Variants in CDH4 observed in about 807,000 individuals in gnomAD.
CDH4 encodes cadherin 4, also known as cadherin-4.
In CDH4, 33 loss-of-function variants were observed where a neutral mutation model predicts 86.0. The observed-to-expected ratio is 0.38, with a 90% CI of 0.29 to 0.51. CDH4 has a LOEUF of 0.51. Ranked by LOEUF, CDH4 falls within the 20% of genes least tolerant of loss-of-function variation. CDH4 has a pLI of 0.86. For synonymous variants in CDH4, 555 were observed against 549.4 expected, an observed-to-expected ratio of 1.01 and a Z score of -0.14; for missense variants, 1,114 against 1,307.4, an observed-to-expected ratio of 0.85 and a Z score of 2.28.
chr20:61,367,681 C>T (rs1057039915), intron 2 of CDH4, among the ~76,000 whole-genome samples: 3 of 152,030 alleles, frequency 2.0e-5, no homozygotes, highest in South Asian at 2.1e-4. Flanking sequence ...CACTTTCTTG[C>T]GGCAAAATGT....
intron 2 of CDH4, among the ~76,000 whole-genome samples, chr20:61,275,379 A>C (rs1600825682): frequency 3.0e-5 from 2 of 66,198 alleles, no homozygotes; most frequent in Non-Finnish European, 2.7e-5. Flanking sequence ...AGTTTGGGGG[A>C]GTACTGTGTG....
intron 2 of CDH4, among the ~76,000 whole-genome samples, chr20:61,566,880 C>G (rs745567556): frequency 1.3e-5 from 2 of 152,064 alleles, no homozygotes; most frequent in African/African-American, 4.8e-5. Flanking sequence ...CGATGGCACG[C>G]GGCTCACAGA....
At chr20:61,400,028 C>G (rs979581813) in intron 2 of CDH4, among the ~76,000 whole-genome samples, 3 of 152,206 alleles carry the variant, frequency 2.0e-5, no homozygotes, top group African/African-American at 7.2e-5. Flanking sequence ...AAACCAGTCC[C>G]CCTTACAGCT....
intron 2 of CDH4, among the ~76,000 whole-genome samples, chr20:61,402,675 G>A (rs775124338): frequency 6.6e-6 from 1 of 152,198 alleles, no homozygotes; most frequent in Non-Finnish European, 1.5e-5. Context: ...ACAGGCATGA[G>A]CCACTGTGCC....
At chr20:61,644,168 C>T (rs2087038026) in intron 2 of CDH4, among the ~76,000 whole-genome samples, 1 of 152,168 alleles carries the variant, frequency 6.6e-6, no homozygotes, top group Admixed American at 6.5e-5. Flanking sequence ...AGGAGAGTTT[C>T]AGTGAATGAG....
At chr20:61,434,486 C>A (rs749817846) in intron 2 of CDH4, 1 of 152,106 alleles carries the variant, frequency 6.6e-6, no homozygotes, top group African/African-American at 2.4e-5. Flanking sequence ...GAAACCAGAT[C>A]GGGTTGCATT....
chr20:61,670,890 G>T (rs533896737), intron 2 of CDH4, among the ~76,000 whole-genome samples: 3 of 152,270 alleles, frequency 2.0e-5, no homozygotes, highest in Non-Finnish European at 2.9e-5. Context: ...TCAGCTCCAA[G>T]GCCTTCTCCA....
intron 2 of CDH4, among the ~76,000 whole-genome samples, chr20:61,650,028 C>A (rs1458432105): frequency 6.6e-6 from 1 of 152,228 alleles, no homozygotes; most frequent in African/African-American, 2.4e-5. Flanking sequence ...CAGCTCCACT[C>A]TCCTGGGCAC....
In CDH4 at chr20:61,402,850, C is replaced by A. The variant is rs555651969; in HGVS notation, c.169+147913C>A. 1.1e-4 allele frequency among the ~76,000 whole-genome samples: 16 copies of A among 152,326 alleles called. No individual in the cohort carries two copies. The South Asian group carries it at 3.3e-3, about 32-fold the overall frequency. On this transcript the variant is annotated intron_variant, in intron 2 of 15. Transcript: ENST00000614565. ...GAAACAGAATGGTTAAGCCACTTGT[C>A]CTTTTGTCACTAGGATGGAGTTCAT...
intron 2 of CDH4, among the ~76,000 whole-genome samples, chr20:61,693,839 C>T (rs549366150): frequency 3.7e-4 from 56 of 150,786 alleles, no homozygotes; most frequent in Non-Finnish European, 6.8e-4. Flanking sequence ...CTCACAGCTC[C>T]AAGTCACCTT....
intron 4 of CDH4, among the ~76,000 whole-genome samples, chr20:61,831,122 C>G (rs1341191304): frequency 6.6e-6 from 1 of 152,228 alleles, no homozygotes; most frequent in Non-Finnish European, 1.5e-5. Context: ...TCTTCTCAGC[C>G]TCCTCACCAG....
chr20:61,333,553 A>T lies in CDH4; in HGVS notation c.169+78616A>T, dbSNP rs547908028. On this transcript the variant is annotated intron_variant, in intron 2 of 15. Coordinates refer to ENST00000614565, the MANE Select transcript of CDH4 (RefSeq NM_001794.5). ...TGGCAGGTGCAGCCCTAAGAAGTGCAGTTGTACAGGGAGCTACCCTGTAGT... is the reference window on the plus strand; with the variant it reads ...TGGCAGGTGCAGCCCTAAGAAGTGCTGTTGTACAGGGAGCTACCCTGTAGT... Among the ~76,000 whole-genome samples, 14 of 152,244 alleles carry T rather than the reference A, an allele frequency of 9.2e-5. No homozygotes were observed. The South Asian group carries it at 2.9e-3, about 32-fold the overall frequency.
At chr20:61,869,917 GT>G (rs1316575188) in intron 6 of CDH4, among the ~76,000 whole-genome samples, 1 of 152,260 alleles carries the variant, frequency 6.6e-6, no homozygotes, top group Non-Finnish European at 1.5e-5. Context: ...TGGGCAGGGA[GT>G]TCCCATGATG....
chr20:61,700,616 C>A (rs1165063301), intron 2 of CDH4, among the ~76,000 whole-genome samples: 1 of 152,192 alleles, frequency 6.6e-6, no homozygotes, highest in African/African-American at 2.4e-5. Flanking sequence ...CCCGTACGGC[C>A]TCACTGTGGG....
intron 4 of CDH4, among the ~76,000 whole-genome samples, chr20:61,831,952 A>AGGAGCGGCT (rs1244172306): frequency 2.0e-5 from 3 of 152,256 alleles, no homozygotes; most frequent in Non-Finnish European, 4.4e-5. Flanking sequence ...GGGCCTGGGC[A>AGGAGCGGCT]GGAGCGGCTG....
intron 2 of CDH4, among the ~76,000 whole-genome samples, chr20:61,620,300 G>C (rs1282215033): frequency 1.3e-5 from 2 of 149,996 alleles, no homozygotes; most frequent in African/African-American, 4.9e-5. Flanking sequence ...ATGATAGATG[G>C]TAGGTAGATA....
chr20:61,264,851 A>T (rs1464990668), intron 2 of CDH4, among the ~76,000 whole-genome samples: 7 of 142,678 alleles, frequency 4.9e-5, no homozygotes, highest in Non-Finnish European at 9.1e-5. Context: ...AGTCCTACAC[A>T]TACCCCAGTG....
intron 2 of CDH4, among the ~76,000 whole-genome samples, chr20:61,411,160 T>TCCC (rs1390028760): frequency 5.6e-5 from 8 of 143,356 alleles, no homozygotes; most frequent in African/African-American, 2.2e-4. Context: ...CCATCCATCC[T>TCCC]TGCTAGATTC....
At chr20:61,443,876 CTG>C (rs1468134728) in intron 2 of CDH4, among the ~76,000 whole-genome samples, 1 of 149,950 alleles carries the variant, frequency 6.7e-6, no homozygotes, top group Non-Finnish European at 1.5e-5. Context: ...GTCTATATCT[CTG>C]TGTGTCTGTG....
Sources: allele counts gnomAD v4.1 joint callset (sites outside exome capture counted in the v4.1 genomes callset), GRCh38; gene constraint gnomAD v4.1.1; transcripts MANE v1.5; gene names NCBI Gene and HGNC (gene_info 2026-07-23, HGNC 2026-07-21).